Variants in CDKN2B-AS1 observed in about 807,000 individuals in gnomAD.
The protein encoded by CDKN2B-AS1 is CDKN2B and CDKN2A antisense cis and trans regulatory RNA 1, also known as CDKN2B antisense RNA 1 (non-protein coding).
At chr9:22,085,043 C>T (rs1295180531) in intron 4 of CDKN2B-AS1, among the ~76,000 whole-genome samples, 2 of 152,128 alleles carry the variant, frequency 1.3e-5, no homozygotes, top group African/African-American at 4.8e-5. Flanking sequence ...GTAGAGTGAA[C>T]ATTTTTCCAC....
chr9:21,997,400 C>T lies in CDKN2B-AS1; in HGVS notation n.29+2239C>T, dbSNP rs1200196047. On this transcript the variant is annotated intron_variant and non_coding_transcript_variant, in intron 1 of 4. Coordinates refer to ENST00000650946, the Ensembl canonical transcript of CDKN2B-AS1. This position sits in a 1 kb window ranked among gnomAD's most constrained non-coding sequence, Gnocchi z 4.8. ...TGAAGCATCGTTATCCAGCACATGACTCTGTGTGTGTATACAATTTTATAT... is the reference window on the plus strand; with the variant it reads ...TGAAGCATCGTTATCCAGCACATGATTCTGTGTGTGTATACAATTTTATAT... Among the ~76,000 whole-genome samples, 2 of 151,800 alleles carry T rather than the reference C, an allele frequency of 1.3e-5. No homozygotes were observed. The highest frequency in any genetic ancestry group is 2.9e-5 in the Non-Finnish European group (2 of 67,992).
chr9:22,033,394 A>C (rs73652842), intron 1 of CDKN2B-AS1, among the ~76,000 whole-genome samples: 4,871 of 152,246 alleles, frequency 0.032, 211 homozygotes, highest in African/African-American at 0.096. Context: ...CAATTTCCTC[A>C]CTATATGCCA....
chr9:22,037,442 C>T (rs73652843), intron 1 of CDKN2B-AS1, among the ~76,000 whole-genome samples: 1,756 of 151,688 alleles, frequency 0.012, 22 homozygotes, highest in African/African-American at 0.026. Context: ...TAATCTACAT[C>T]GGCTTCTAGT....
At position 22,029,666 on chromosome 9, in the gene CDKN2B-AS1, C is replaced by G. The variant is rs995409218; in HGVS notation, n.30-17085C>G. On this transcript the variant is annotated intron_variant and non_coding_transcript_variant, in intron 1 of 4. Transcript: ENST00000650946. ...AAGAAGAGCCTTGGGGAAATGTTCT[C>G]TTCCAAATTTAATCTTTACATTATT... 1.1e-4 allele frequency: 57 copies of G among 500,366 alleles called. No homozygotes were observed. In the East Asian group the frequency reaches 1.6e-3, roughly 14 times the overall value. 31.0% of individuals were successfully genotyped at this position (500,366 alleles called of 1,614,324 possible).
intron 4 of CDKN2B-AS1, among the ~76,000 whole-genome samples, chr9:22,106,988 C>T (rs1825676614): frequency 6.6e-6 from 1 of 152,180 alleles, no homozygotes; most frequent in African/African-American, 2.4e-5. Context: ...CTATCAGAAA[C>T]TGTACTAGGA....
At chr9:22,049,291 T>A (rs1318145853) in intron 3 of CDKN2B-AS1, 1 of 152,204 alleles carries the variant, frequency 6.6e-6, no homozygotes, top group Non-Finnish European at 1.5e-5. Flanking sequence ...GCCAAACAAC[T>A]GTTCCCAAAC....
At chr9:22,028,386 G>A (rs1041174388) in intron 1 of CDKN2B-AS1, among the ~76,000 whole-genome samples, 2 of 151,948 alleles carry the variant, frequency 1.3e-5, no homozygotes, top group Non-Finnish European at 2.9e-5. Context: ...GGCAGTGTTA[G>A]GTTTCTAATT....
intron 3 of CDKN2B-AS1, among the ~76,000 whole-genome samples, chr9:22,054,159 G>A (rs1230762071): frequency 2.6e-5 from 4 of 152,148 alleles, no homozygotes; most frequent in Non-Finnish European, 5.9e-5. Context: ...CTGTGAGATA[G>A]GTACTATTAT....
chr9:22,043,726 CTTAA>C (rs1013399831), intron 1 of CDKN2B-AS1, among the ~76,000 whole-genome samples: 6 of 151,958 alleles, frequency 3.9e-5, no homozygotes, highest in Non-Finnish European at 8.8e-5. Context: ...TGATTTTCAA[CTTAA>C]TTAAATTTGT....
intron 1 of CDKN2B-AS1, chr9:22,008,994 G>A (rs2131191088): frequency 6.2e-7 from 1 of 1,613,266 alleles, no homozygotes; most frequent in African/African-American, 1.3e-5. Context: ...ATAATCCACC[G>A]TTGGCCGTAA....
At position 22,024,223 on chromosome 9, in the gene CDKN2B-AS1, C is replaced by T. The variant is rs527749336; in HGVS notation, n.30-22528C>T. ...CTTTAGGGGGCCATCGTTCACCTCC[C>T]AACTCCTGGACTGCATGTTCTAACT... On this transcript the variant is annotated intron_variant and non_coding_transcript_variant, in intron 1 of 4. Coordinates refer to ENST00000650946, the Ensembl canonical transcript of CDKN2B-AS1. Among the ~76,000 whole-genome samples, 21 of 152,288 alleles carry T rather than the reference C, an allele frequency of 1.4e-4. No homozygotes were observed. The South Asian group carries it at 4.1e-3, about 30-fold the overall frequency.
At chr9:22,098,844 A>T (rs1285837528) in intron 4 of CDKN2B-AS1, among the ~76,000 whole-genome samples, 1 of 152,180 alleles carries the variant, frequency 6.6e-6, no homozygotes, top group Non-Finnish European at 1.5e-5. Flanking sequence ...ATTACTACAG[A>T]TGTGTTGATT....
intron 4 of CDKN2B-AS1, among the ~76,000 whole-genome samples, chr9:22,100,254 A>G (rs1428253312): frequency 6.6e-6 from 1 of 152,144 alleles, no homozygotes; most frequent in Non-Finnish European, 1.5e-5. Flanking sequence ...CATTCCTACA[A>G]TGGTTATAGC....
At chr9:22,076,788 G>C (rs531365346) in intron 4 of CDKN2B-AS1, among the ~76,000 whole-genome samples, 16 of 152,278 alleles carry the variant, frequency 1.1e-4, no homozygotes, top group Non-Finnish European at 1.8e-4. Flanking sequence ...CACCTCCCAG[G>C]CTCAAGCAAT....
chr9:22,014,423 C>T (rs1029111968), intron 1 of CDKN2B-AS1, among the ~76,000 whole-genome samples: 3 of 152,044 alleles, frequency 2.0e-5, no homozygotes, highest in African/African-American at 7.2e-5. Context: ...CTTCAGCCTC[C>T]CAAAGTGTTG....
At chr9:22,084,884 A>G (rs1824814351) in intron 4 of CDKN2B-AS1, among the ~76,000 whole-genome samples, 1 of 152,208 alleles carries the variant, frequency 6.6e-6, no homozygotes, top group Non-Finnish European at 1.5e-5. Context: ...TGAGTCATAC[A>G]GCTGAAATTG....
At chr9:22,008,957 G>C (rs761414872) in intron 1 of CDKN2B-AS1, 4 of 1,612,926 alleles carry the variant, frequency 2.5e-6, no homozygotes, top group Non-Finnish European at 3.4e-6. Context: ...CGCGCATTCC[G>C]CAGCCCCCAG....
chr9:22,060,426 T>A (rs1295342877), intron 4 of CDKN2B-AS1, among the ~76,000 whole-genome samples: 1 of 152,208 alleles, frequency 6.6e-6, no homozygotes, highest in African/African-American at 2.4e-5. Context: ...AAATTCCTCA[T>A]CTCCATCTGA....
chr9:22,064,319 C>T (rs1421454881), intron 4 of CDKN2B-AS1, among the ~76,000 whole-genome samples: 1 of 152,032 alleles, frequency 6.6e-6, no homozygotes, highest in Non-Finnish European at 1.5e-5. Context: ...CATTAAGGAG[C>T]CAATAAATTG....
Sources: gnomAD v4.1 joint callset for allele counts (sites outside exome capture counted in the v4.1 genomes callset) on GRCh38, gnomAD v4.1.1 for gene constraint, Gnocchi (gnomAD v3.1) non-coding constraint, MANE v1.5 for transcripts, NCBI Gene and HGNC (gene_info 2026-07-23, HGNC 2026-07-21) for gene names.